RAP1GAP2: variants seen among roughly 807,000 people sequenced by gnomAD.
The protein encoded by RAP1GAP2 is RAP1 GTPase activating protein 2.
In RAP1GAP2, 27 loss-of-function variants were observed where a neutral mutation model predicts 95.0. The observed-to-expected ratio is 0.28, with a 90% CI of 0.21 to 0.39. The LOEUF is 0.39. Among genes scored for constraint, RAP1GAP2 ranks in the 10% least tolerant of loss-of-function variants. The pLI is 1.00. For synonymous variants in RAP1GAP2, 373 were observed against 380.9 expected, an observed-to-expected ratio of 0.98 and a Z score of 0.24; for missense variants, 771 against 970.0, an observed-to-expected ratio of 0.79 and a Z score of 2.72.
Position 2,934,854 on chromosome 17 carries a change from A to G in RAP1GAP2, c.166-22905A>G, listed in dbSNP as rs371861504. 6.6e-5 allele frequency among the ~76,000 whole-genome samples: 10 copies of G among 152,340 alleles called. 1 individual carries two copies. Among genetic ancestry groups the G allele is most frequent in the East Asian group, 1.9e-4 (1 of 5,186 alleles). On this transcript the variant is annotated intron_variant, in intron 3 of 24. Transcript: ENST00000254695. ...GTGTGTAAATATGGCCTCTGCCTGC[A>G]AGGTGTGCAGTTTAGAGGAAAGATC...
At position 2,957,822 on chromosome 17, in the gene RAP1GAP2, G is replaced by A. The variant is rs765228468; in HGVS notation, c.201+28G>A. On this transcript the variant is annotated intron_variant, in intron 4 of 24. Coordinates refer to ENST00000254695, the MANE Select transcript of RAP1GAP2 (RefSeq NM_015085.5). ...GAGTACGTACCCCCACCGTGGCGGGGAAGAAGCCCAGCCCCAGATGTGGGT... is the reference window on the plus strand; with the variant it reads ...GAGTACGTACCCCCACCGTGGCGGGAAAGAAGCCCAGCCCCAGATGTGGGT... 1.5e-4 allele frequency: 239 copies of A among 1,566,762 alleles called. 4 individuals carry two copies. Among genetic ancestry groups the A allele is most frequent in the South Asian group, 1.1e-3 (97 of 85,902 alleles).
At chr17:2,886,029 G>C (rs752173620) in intron 2 of RAP1GAP2, among the ~76,000 whole-genome samples, 1 of 152,010 alleles carries the variant, frequency 6.6e-6, no homozygotes, top group Non-Finnish European at 1.5e-5. Context: ...TTGAGATGTC[G>C]CATGAGAAGA....
chr17:2,876,084 C>T (rs1211956287), intron 2 of RAP1GAP2, among the ~76,000 whole-genome samples: 3 of 151,596 alleles, frequency 2.0e-5, no homozygotes, highest in African/African-American at 4.9e-5. Context: ...ACTACAGGCA[C>T]CCGCCCCCAC....
At chr17:2,839,581 G>A (rs1437764721) in intron 2 of RAP1GAP2, among the ~76,000 whole-genome samples, 6 of 152,044 alleles carry the variant, frequency 3.9e-5, no homozygotes, top group Non-Finnish European at 8.8e-5. Flanking sequence ...GTCCTTTTCT[G>A]TTCCAGGAAC....
rs1298885121 is a variant in RAP1GAP2, at chr17:2,857,325, A to G, written c.81-47959A>G. On this transcript the variant is annotated intron_variant, in intron 2 of 24. Coordinates refer to ENST00000254695, the MANE Select transcript of RAP1GAP2 (RefSeq NM_015085.5). This position sits in a 1 kb window ranked among gnomAD's most constrained non-coding sequence, Gnocchi z 4.0. ...TGCTCTCTCCAGGCCACTTGGAAAT[A>G]TTGCGTATTAGGGGACAGGGAGGTG... Among the ~76,000 whole-genome samples the G allele has an allele frequency of 6.6e-6, 1 of 152,102 alleles. No individual in the cohort carries two copies. Among genetic ancestry groups the G allele is most frequent in the Non-Finnish European group, 1.5e-5 (1 of 68,022 alleles).
chr17:2,923,657 G>GTT (rs71377551), intron 3 of RAP1GAP2, among the ~76,000 whole-genome samples: 173 of 149,344 alleles, frequency 1.2e-3, no homozygotes, highest in Admixed American at 4.5e-3. Context: ...ATTTTTATCA[G>GTT]TTTTTTTTTT....
At chr17:2,975,417 A>C (rs1211636842) in intron 8 of RAP1GAP2, among the ~76,000 whole-genome samples, 4 of 152,222 alleles carry the variant, frequency 2.6e-5, no homozygotes, top group African/African-American at 9.6e-5. Flanking sequence ...AGGAATGGAA[A>C]AAGATATGCT....
At chr17:2,909,657 G>A (rs2042308348) in intron 3 of RAP1GAP2, among the ~76,000 whole-genome samples, 1 of 152,214 alleles carries the variant, frequency 6.6e-6, no homozygotes, top group Admixed American at 6.5e-5. Context: ...GCAGCCTCAG[G>A]GAAAGCTCAG....
At chr17:2,828,702 G>A (rs1422833075) in intron 2 of RAP1GAP2, among the ~76,000 whole-genome samples, 1 of 152,134 alleles carries the variant, frequency 6.6e-6, no homozygotes, top group African/African-American at 2.4e-5. Flanking sequence ...TCTGGCTGTG[G>A]GCTCATCACA....
At chr17:2,826,477 G>A (rs1015843225) in intron 2 of RAP1GAP2, among the ~76,000 whole-genome samples, 1 of 152,172 alleles carries the variant, frequency 6.6e-6, no homozygotes, top group African/African-American at 2.4e-5. Context: ...TGTTGCCGGC[G>A]AGATGACGGG....
At chr17:2,869,248 G>A (rs1448060285) in intron 2 of RAP1GAP2, among the ~76,000 whole-genome samples, 1 of 152,126 alleles carries the variant, frequency 6.6e-6, no homozygotes, top group East Asian at 1.9e-4. Flanking sequence ...GAGGCACCTA[G>A]AATAGGCAAA....
At chr17:2,889,509 C>T (rs1330758420) in intron 2 of RAP1GAP2, among the ~76,000 whole-genome samples, 3 of 151,998 alleles carry the variant, frequency 2.0e-5, no homozygotes, top group East Asian at 1.9e-4. Flanking sequence ...GAGCTCCCGG[C>T]GGCTGAGCCC....
chr17:2,930,952 C>T (rs1242678045), intron 3 of RAP1GAP2, among the ~76,000 whole-genome samples: 1 of 151,954 alleles, frequency 6.6e-6, no homozygotes, highest in East Asian at 1.9e-4. Context: ...GGTGAAACTT[C>T]ATCCCTACTA....
intron 2 of RAP1GAP2, among the ~76,000 whole-genome samples, chr17:2,882,504 C>A (rs1183227540): frequency 2.0e-5 from 3 of 147,996 alleles, no homozygotes; most frequent in Non-Finnish European, 3.0e-5. Context: ...GTTGGCCAGG[C>A]TGGTCTCCAT....
intron 11 of RAP1GAP2, among the ~76,000 whole-genome samples, chr17:2,990,640 A>T (rs2045719541): frequency 1.3e-5 from 2 of 152,124 alleles, no homozygotes; most frequent in African/African-American, 4.8e-5. Flanking sequence ...TAGCCTTTTG[A>T]GGAACTGCTG....
At chr17:2,863,879 C>G (rs1329890662) in intron 2 of RAP1GAP2, among the ~76,000 whole-genome samples, 1 of 152,074 alleles carries the variant, frequency 6.6e-6, no homozygotes, top group African/African-American at 2.4e-5. Context: ...TGGTGAAACT[C>G]CGTCTCTACT....
At chr17:2,886,952 G>A (rs2073524193) in intron 2 of RAP1GAP2, among the ~76,000 whole-genome samples, 1 of 152,144 alleles carries the variant, frequency 6.6e-6, no homozygotes, top group Non-Finnish European at 1.5e-5. Flanking sequence ...CTGCAAAATG[G>A]GAGAATAATT....
At chr17:2,951,229 G>A (rs1314122038) in intron 3 of RAP1GAP2, among the ~76,000 whole-genome samples, 1 of 152,234 alleles carries the variant, frequency 6.6e-6, no homozygotes, top group African/African-American at 2.4e-5. Context: ...CTGACTGTGT[G>A]CCGAGCTGCT....
chr17:2,881,602 A>C (rs8068011), intron 2 of RAP1GAP2, among the ~76,000 whole-genome samples: 4 of 152,140 alleles, frequency 2.6e-5, no homozygotes, highest in Admixed American at 6.5e-5. Context: ...TAGTGTTGCT[A>C]TGAACACTTG....
Sources: allele counts gnomAD v4.1 joint callset (sites outside exome capture counted in the v4.1 genomes callset), GRCh38; gene constraint gnomAD v4.1.1; non-coding constraint Gnocchi (gnomAD v3.1); transcripts MANE v1.5; gene names NCBI Gene and HGNC (gene_info 2026-07-23, HGNC 2026-07-21).